RAD54B: variants seen among roughly 807,000 people sequenced by gnomAD.
The protein encoded by RAD54B is RAD54 homolog B.
RAD54B carries 78 observed loss-of-function variants against 95.8 expected under a neutral mutation model. The observed-to-expected ratio is 0.81, with a 90% confidence interval of 0.68 to 0.98. The LOEUF is 0.98. RAD54B is among the 50% of genes least tolerant of loss of function. The pLI, the probability that RAD54B is intolerant of heterozygous loss-of-function variation, is 0.00. For missense variants in RAD54B, 957 were observed against 1,056.6 expected, an observed-to-expected ratio of 0.91 and a Z score of 1.31; for synonymous variants, 328 against 354.9, an observed-to-expected ratio of 0.92 and a Z score of 0.85.
At position 94,378,626 on chromosome 8, in the gene RAD54B, A is replaced by G. The variant is rs746692746; in HGVS notation, c.2256T>C (p.Ser752=). ...ATTTCTGACCATCTCTCCATACTCT[A>G]GACATTGCCTATAGAAAATAAGTGA... ...WNPATDIQAM[S]RVWRDGQKYP... Residue 752 remains serine, a synonymous_variant, in exon 13 of 15, where the codon TCT becomes TCC. Transcript: ENST00000336148. The G allele has an allele frequency of 8.7e-6, 14 of 1,605,378 alleles. No individual in the cohort carries two copies. The Middle Eastern group carries it at 5.0e-4, about 57-fold the overall frequency.
At chr8:94,399,873 C>T (rs1380893703) in intron 7 of RAD54B, among the ~76,000 whole-genome samples, 2 of 152,154 alleles carry the variant, frequency 1.3e-5, no homozygotes, top group African/African-American at 2.4e-5. Flanking sequence ...TGAGAGCCCT[C>T]TTCCTGGCTT....
chr8:94,387,771 T>G (rs554230719), intron 10 of RAD54B, among the ~76,000 whole-genome samples: 13 of 152,348 alleles, frequency 8.5e-5, no homozygotes, highest in African/African-American at 2.9e-4. Flanking sequence ...AAGGTGATTA[T>G]CAGCACCTCT....
intron 10 of RAD54B, among the ~76,000 whole-genome samples, chr8:94,390,011 G>A (rs1054599165): frequency 6.6e-6 from 1 of 151,976 alleles, no homozygotes; most frequent in Non-Finnish European, 1.5e-5. Flanking sequence ...ATGCCCAAAG[G>A]GTTTGATTTT....
At chr8:94,429,839 A>C (rs1200109818) in intron 3 of RAD54B, 14 of 985,318 alleles carry the variant, frequency 1.4e-5, no homozygotes, top group African/African-American at 1.7e-5. Flanking sequence ...ATGCTAAAAT[A>C]GTACCTTGAG....
intron 11 of RAD54B, 69 bp downstream of exon 11, chr8:94,386,915 G>A: frequency 9.2e-7 from 1 of 1,082,674 alleles, no homozygotes; most frequent in Non-Finnish European, 1.3e-6. Flanking sequence ...TAAAAGGGAA[G>A]TAGGAAGTAA....
chr8:94,382,985 A>C (rs917786046), intron 11 of RAD54B, among the ~76,000 whole-genome samples: 5 of 152,112 alleles, frequency 3.3e-5, no homozygotes, highest in Admixed American at 3.3e-4. Context: ...GGACTAATGC[A>C]TAGGTGATGG....
intron 3 of RAD54B, among the ~76,000 whole-genome samples, chr8:94,446,261 ATTTTTTCTGTAT>A (rs752487724): frequency 2.6e-5 from 4 of 152,062 alleles, no homozygotes; most frequent in Non-Finnish European, 4.4e-5. Context: ...GATTACAGAA[ATTTTTTCTGTAT>A]TTTAGGAGGT....
intron 3 of RAD54B, among the ~76,000 whole-genome samples, chr8:94,424,397 T>G (rs760583774): frequency 9.2e-5 from 14 of 152,220 alleles, no homozygotes; most frequent in Non-Finnish European, 2.1e-4. Flanking sequence ...ATTTGCCACA[T>G]AGTAAGTGCT....
chr8:94,393,590 AT>A, intron 9 of RAD54B, 152 bp downstream of exon 9: 1 of 644,664 alleles, frequency 1.6e-6, no homozygotes, highest in African/African-American at 1.9e-5. Flanking sequence ...GTGATGTCAT[AT>A]TCTAAAATAA....
intron 3 of RAD54B, among the ~76,000 whole-genome samples, chr8:94,438,738 T>A (rs1446379541): frequency 1.3e-5 from 2 of 152,186 alleles, no homozygotes; most frequent in Non-Finnish European, 2.9e-5. Context: ...TCACTAGTTA[T>A]CAGGGAAATG....
intron 11 of RAD54B, among the ~76,000 whole-genome samples, chr8:94,386,405 A>G (rs1810890032): frequency 6.6e-6 from 1 of 152,240 alleles, no homozygotes; most frequent in Non-Finnish European, 1.5e-5. Context: ...ACTATAGGAC[A>G]TCAAGATAGA....
intron 3 of RAD54B, among the ~76,000 whole-genome samples, chr8:94,442,444 A>G (rs144745420): frequency 0.044 from 6,615 of 152,020 alleles, 201 homozygotes; most frequent in South Asian, 0.11. Flanking sequence ...GCGTGGTGGC[A>G]GGCGCCTGTA....
chr8:94,407,762 T>C (rs781649070), intron 4 of RAD54B, 42 bp from the exon 5 acceptor site: 1 of 1,544,464 alleles, frequency 6.5e-7, no homozygotes, highest in Non-Finnish European at 8.8e-7. Context: ...CACTCTATGA[T>C]ACCACGGTCA....
At chr8:94,453,334 G>T (rs1439397077) in intron 3 of RAD54B, among the ~76,000 whole-genome samples, 1 of 152,082 alleles carries the variant, frequency 6.6e-6, no homozygotes, top group African/African-American at 2.4e-5. Context: ...TTCAAAACCA[G>T]CCTGGCCAAT....
chr8:94,404,029 G>T, intron 6 of RAD54B, 48 bp downstream of exon 6: 1 of 1,423,594 alleles, frequency 7.0e-7, no homozygotes, highest in Non-Finnish European at 9.5e-7. Flanking sequence ...TGTGTTACAG[G>T]TTAAATCAAA....
intron 2 of RAD54B, among the ~76,000 whole-genome samples, chr8:94,459,352 A>G (rs372193183): frequency 4.0e-4 from 60 of 151,574 alleles, no homozygotes; most frequent in African/African-American, 1.4e-3. Flanking sequence ...GGGTCTCACT[A>G]TGTTGCCCAG....
At chr8:94,454,874 A>G (rs749867720) in intron 3 of RAD54B, among the ~76,000 whole-genome samples, 1 of 152,184 alleles carries the variant, frequency 6.6e-6, no homozygotes, top group Non-Finnish European at 1.5e-5. Context: ...ATGCCCAACC[A>G]TCTCCAAGGA....
intron 10 of RAD54B, among the ~76,000 whole-genome samples, chr8:94,388,167 G>T (rs2381793): frequency 0.25 from 37,360 of 151,978 alleles, 5,612 homozygotes; most frequent in East Asian, 0.43. Context: ...TTTGAACTAC[G>T]CAAGTCTACT....
chr8:94,424,536 T>C (rs1446357495), intron 3 of RAD54B, among the ~76,000 whole-genome samples: 1 of 152,126 alleles, frequency 6.6e-6, no homozygotes, highest in East Asian at 1.9e-4. Context: ...AACAAGATCG[T>C]TGGGAACATG....
Sources: gnomAD v4.1 joint callset for allele counts (sites outside exome capture counted in the v4.1 genomes callset) on GRCh38, gnomAD v4.1.1 for gene constraint, MANE v1.5 for transcripts, NCBI Gene and HGNC (gene_info 2026-07-23, HGNC 2026-07-21) for gene names.